SPIDR: variants seen among roughly 807,000 people sequenced by gnomAD.
SPIDR encodes DNA repair-scaffolding protein.
In SPIDR, 93 loss-of-function variants were observed where a neutral mutation model predicts 104.6. That is an observed-to-expected ratio of 0.89 (90% CI 0.75 to 1.06). SPIDR has a LOEUF of 1.06. SPIDR is among the 50% of genes least tolerant of loss of function. SPIDR has a pLI of 0.00. For synonymous variants in SPIDR, 431 were observed against 416.9 expected, an observed-to-expected ratio of 1.03 and a Z score of -0.41; for missense variants, 1,154 against 1,111.2, an observed-to-expected ratio of 1.04 and a Z score of -0.55.
chr8:47,733,713 C>G (rs1025718674), intron 19 of SPIDR, among the ~76,000 whole-genome samples: 1 of 152,130 alleles, frequency 6.6e-6, no homozygotes, highest in East Asian at 1.9e-4. Flanking sequence ...TCTTCAGTGA[C>G]GGGCCCACAT....
chr8:47,501,351 TC>T (rs1177005895), intron 8 of SPIDR, among the ~76,000 whole-genome samples: 1 of 152,144 alleles, frequency 6.6e-6, no homozygotes, highest in Admixed American at 6.6e-5. Flanking sequence ...CTTGAAGAGG[TC>T]CTTCACATCC....
intron 5 of SPIDR, among the ~76,000 whole-genome samples, chr8:47,297,127 G>A (rs1285446607): frequency 2.0e-5 from 3 of 152,072 alleles, no homozygotes; most frequent in East Asian, 3.9e-4. Context: ...GAAGTTGTTA[G>A]CATTTTCTAT....
chr8:47,691,415 C>T (rs922539216), intron 11 of SPIDR, among the ~76,000 whole-genome samples: 138 of 152,152 alleles, frequency 9.1e-4, no homozygotes, highest in African/African-American at 3.3e-3. Context: ...CTATTCTTAG[C>T]GGAGATCAAT....
At chr8:47,425,682 G>C (rs1395627468) in intron 7 of SPIDR, among the ~76,000 whole-genome samples, 2 of 151,934 alleles carry the variant, frequency 1.3e-5, no homozygotes, top group Non-Finnish European at 2.9e-5. Context: ...TATTATATTT[G>C]AAAGATTTCT....
At chr8:47,538,615 C>T (rs1330817846) in intron 8 of SPIDR, among the ~76,000 whole-genome samples, 1 of 152,052 alleles carries the variant, frequency 6.6e-6, no homozygotes, top group African/African-American at 2.4e-5. Context: ...CGGTTTTGAG[C>T]AGCTTTATTC....
At chr8:47,328,340 C>G (rs544766540) in intron 5 of SPIDR, among the ~76,000 whole-genome samples, 1 of 151,830 alleles carries the variant, frequency 6.6e-6, no homozygotes, top group South Asian at 2.1e-4. Flanking sequence ...CTTACTGCAG[C>G]CTTGAACCTC....
At chr8:47,442,453 G>A (rs1250014181) in intron 8 of SPIDR, among the ~76,000 whole-genome samples, 1 of 152,184 alleles carries the variant, frequency 6.6e-6, no homozygotes, top group African/African-American at 2.4e-5. Flanking sequence ...TTTAGGGTAG[G>A]TTAATCTCTG....
At chr8:47,343,201 TATTAAA>T (rs2051125595) in intron 5 of SPIDR, among the ~76,000 whole-genome samples, 1 of 152,156 alleles carries the variant, frequency 6.6e-6, no homozygotes, top group African/African-American at 2.4e-5. Context: ...TGATTGACAG[TATTAAA>T]ATTAAGATGC....
chr8:47,588,038 T>C (rs931958673), intron 8 of SPIDR, among the ~76,000 whole-genome samples: 2 of 24,176 alleles, frequency 8.3e-5, no homozygotes, highest in South Asian at 1.3e-3. Flanking sequence ...TATATATATA[T>C]ATATATATAT....
intron 6 of SPIDR, among the ~76,000 whole-genome samples, chr8:47,407,118 A>G (rs906310017): frequency 4.6e-5 from 7 of 152,216 alleles, no homozygotes; most frequent in African/African-American, 1.7e-4. Context: ...ATTTACATAC[A>G]CCTATATATT....
intron 5 of SPIDR, among the ~76,000 whole-genome samples, chr8:47,311,393 A>G (rs981000755): frequency 2.6e-5 from 4 of 152,218 alleles, no homozygotes; most frequent in African/African-American, 9.6e-5. Flanking sequence ...TGGAGAAATT[A>G]TGGCTGGAAA....
chr8:47,610,484 C>T (rs547418090), intron 10 of SPIDR, among the ~76,000 whole-genome samples: 1 of 152,304 alleles, frequency 6.6e-6, no homozygotes, highest in South Asian at 2.1e-4. Flanking sequence ...CTAGCTGAGC[C>T]ACCGCACCTT....
At chr8:47,633,481 C>T (rs991302050) in intron 10 of SPIDR, among the ~76,000 whole-genome samples, 2 of 150,138 alleles carry the variant, frequency 1.3e-5, no homozygotes, top group Non-Finnish European at 2.9e-5. Flanking sequence ...ACCTCCAGGC[C>T]ATGCCATCTG....
Position 47,599,033 on chromosome 8 carries a change from C to T in SPIDR, c.1381C>T (p.Leu461=). 1 of 1,613,140 alleles carries T rather than the reference C, an allele frequency of 6.2e-7. No homozygotes were observed. Among genetic ancestry groups the T allele is most frequent in the South Asian group, 1.1e-5 (1 of 90,898 alleles). ...AKQRIPTSTP[L]RDSLLDVVES... is the part of the protein sequence containing the mutation. ...ACAGCGCATCCCAACCAGCACTCCC[C>T]TGAGGGATTCTCTCCTGGATGTGGT... The change falls in exon 10 of 20, where the codon CTG becomes TTG. Residue 461 remains leucine, a synonymous_variant. Coordinates refer to ENST00000297423, the MANE Select transcript of SPIDR (RefSeq NM_001080394.4).
At chr8:47,432,531 G>A (rs1018564684) in intron 7 of SPIDR, among the ~76,000 whole-genome samples, 12 of 152,152 alleles carry the variant, frequency 7.9e-5, no homozygotes, top group African/African-American at 2.7e-4. Flanking sequence ...GTGCAACACA[G>A]AGTTCATGGT....
chr8:47,352,631 G>A (rs192342580), intron 5 of SPIDR, among the ~76,000 whole-genome samples: 1 of 152,284 alleles, frequency 6.6e-6, no homozygotes, highest in African/African-American at 2.4e-5. Context: ...CCCAGAGTAT[G>A]AGGTGGTTGT....
intron 10 of SPIDR, among the ~76,000 whole-genome samples, chr8:47,653,495 C>T (rs544494113): frequency 3.9e-5 from 6 of 152,094 alleles, no homozygotes; most frequent in African/African-American, 1.4e-4. Flanking sequence ...CCTCCTTCCT[C>T]GCTCCCTCTT....
intron 10 of SPIDR, among the ~76,000 whole-genome samples, chr8:47,626,239 A>G (rs2066082769): frequency 6.6e-6 from 1 of 152,224 alleles, no homozygotes; most frequent in South Asian, 2.1e-4. Flanking sequence ...AAATTAATTC[A>G]AGATGGATTA....
In SPIDR at chr8:47,293,863, T is replaced by G; in HGVS notation, c.362-4T>G. On this transcript the variant is annotated splice_region_variant and splice_polypyrimidine_tract_variant and intron_variant, in intron 4 of 19. Transcript: ENST00000297423. Reference sequence around the variant, plus strand: ...TTAAGCAAGTTAAAAATTATATTTTTTAGATGAATTACAGTTTATCGACTG... The same window carrying G: ...TTAAGCAAGTTAAAAATTATATTTTGTAGATGAATTACAGTTTATCGACTG... 1 of 1,598,236 alleles carries G rather than the reference T, an allele frequency of 6.3e-7. No individual in the cohort carries two copies. The highest frequency in any genetic ancestry group is 8.5e-7 in the Non-Finnish European group (1 of 1,172,270).
Sources: gnomAD v4.1 joint callset for allele counts (sites outside exome capture counted in the v4.1 genomes callset) on GRCh38, gnomAD v4.1.1 for gene constraint, MANE v1.5 for transcripts, NCBI Gene and HGNC (gene_info 2026-07-23, HGNC 2026-07-21) for gene names.